MPDZ: variants seen among roughly 807,000 people sequenced by gnomAD.
MPDZ encodes the protein multiple PDZ domain crumbs cell polarity complex component.
In MPDZ, 234 loss-of-function variants were observed where a neutral mutation model predicts 239.1. The ratio of observed to expected loss-of-function variants is 0.98; its 90% confidence interval spans 0.88 to 1.09. The LOEUF (loss-of-function observed/expected upper bound fraction) is 1.09, where lower values mean the gene tolerates loss of function less well. MPDZ is among the 50% of genes least tolerant of loss of function. MPDZ has a pLI of 0.00. For synonymous variants in MPDZ, 1,048 were observed against 881.3 expected (o/e 1.19, Z -3.35); for missense variants, 3,175 against 2,510.0 (o/e 1.26, Z -5.66).
At position 13,142,905 on chromosome 9, in the gene MPDZ, A is replaced by C. The variant is rs373106547; in HGVS notation, c.3840+561T>G. ...AAATTTGTGTTTCGATTTTGGTTTT[A>C]TAATTTCATCAGAAAATGAGAAGAT... is the stretch of plus-strand genomic sequence containing the variant. On this transcript the variant is annotated intron_variant, in intron 27 of 46. Coordinates refer to ENST00000319217, the MANE Select transcript of MPDZ (RefSeq NM_001378778.1). 2.2e-4 allele frequency among the ~76,000 whole-genome samples: 34 copies of C among 152,228 alleles called. No individual in the cohort carries two copies. The East Asian group carries it at 6.4e-3, about 28-fold the overall frequency.
At position 13,193,217 on chromosome 9, in the gene MPDZ, C is replaced by G. The variant is rs1417603308; in HGVS notation, c.1753G>C (p.Gly585Arg). Residue 585 changes from glycine to arginine, a missense_variant, in exon 14 of 47, where the codon GGT becomes CGT. Coordinates refer to ENST00000319217, the MANE Select transcript of MPDZ (RefSeq NM_001378778.1). The stretch of plus-strand genomic sequence containing the variant: ...AGCTTCCCGCTGTGTCCAACAGGAC[C>G]CTCTGGTAGAACAGATCGGATAAAA... ...HHFIRSVLPE[G>R]PVGHSGKLFS... The G allele has an allele frequency of 1.9e-6, 3 of 1,608,746 alleles. No homozygotes were observed. The highest frequency in any genetic ancestry group is 2.2e-5 in the East Asian group (1 of 44,720).
At position 13,126,661 on chromosome 9, in the gene MPDZ, C is replaced by A; in HGVS notation, c.4557+19G>T. 3 of 1,612,790 alleles carry A rather than the reference C, an allele frequency of 1.9e-6. No individual in the cohort carries two copies. Among genetic ancestry groups the A allele is most frequent in the Non-Finnish European group, 2.5e-6 (3 of 1,178,928 alleles). ...TCCCTCCCCAACTACTTAATGACAG[C>A]AAGAAAGGTAAACCTCACCGTGGCT... On this transcript the variant is annotated intron_variant, in intron 33 of 46. Transcript: ENST00000319217.
rs190809477 is a variant in MPDZ at position 13,247,071 on chromosome 9, A to G, written c.183+564T>C. ...AAAAAAGCACTGTGTTACATTTAGA[A>G]GTTCTAATGTTTATCACCATCTGAG... is the stretch of plus-strand genomic sequence containing the variant. On this transcript the variant is annotated intron_variant, in intron 3 of 46. Transcript: ENST00000319217. 8.5e-5 allele frequency among the ~76,000 whole-genome samples: 13 copies of G among 152,344 alleles called. No homozygotes were observed. The East Asian group carries it at 2.3e-3, about 27-fold the overall frequency.
At chr9:13,279,275 A>ACCCCCACCCCCC (rs1564192401) in intron 1 of MPDZ, 125 bp downstream of exon 1, 1 of 27,404 alleles carries the variant, frequency 3.6e-5, no homozygotes, top group African/African-American at 1.2e-4. Flanking sequence ...CCCCACCCCC[A>ACCCCCACCCCCC]TCCCCGCCCC....
At chr9:13,119,740 T>G in intron 38 of MPDZ, 91 bp from the exon 39 acceptor site, 4 of 1,485,512 alleles carry the variant, frequency 2.7e-6, no homozygotes, top group Non-Finnish European at 3.7e-6. Flanking sequence ...CCCAAAATTT[T>G]TACTTGTTTT....
chr9:13,112,241 T>A, intron 42 of MPDZ, 95 bp from the exon 43 acceptor site: 1 of 1,261,278 alleles, frequency 7.9e-7, no homozygotes, highest in Non-Finnish European at 1.1e-6. Flanking sequence ...CAACTCTGAT[T>A]TTCTAAGTGT....
At chr9:13,176,051 C>G (rs987554092) in intron 20 of MPDZ, 85 bp downstream of exon 20, 5 of 1,449,680 alleles carry the variant, frequency 3.4e-6, no homozygotes, top group Admixed American at 2.6e-5. Context: ...AGCACTCATT[C>G]CAAATGAAGA....
At chr9:13,170,974 A>C (rs1428024430) in intron 21 of MPDZ, among the ~76,000 whole-genome samples, 1 of 152,138 alleles carries the variant, frequency 6.6e-6, no homozygotes, top group Non-Finnish European at 1.5e-5. Context: ...AATATCCCAA[A>C]TCCCAAATCC....
chr9:13,142,641 T>C (rs1947879839), intron 27 of MPDZ, among the ~76,000 whole-genome samples: 1 of 152,022 alleles, frequency 6.6e-6, no homozygotes, highest in Non-Finnish European at 1.5e-5. Flanking sequence ...TTAAAGGGTG[T>C]GGGAGCAAAA....
chr9:13,175,915 G>T, intron 20 of MPDZ, 40 bp from the exon 21 acceptor site: 1 of 1,560,820 alleles, frequency 6.4e-7, no homozygotes, highest in Non-Finnish European at 8.6e-7. Context: ...ACATGGAAAG[G>T]GAAACTAGAC....
In MPDZ at chr9:13,176,232, T is replaced by A. The variant is rs1339722912; in HGVS notation, c.2835A>T (p.Glu945Asp). The change falls in exon 20 of 47, where the codon GAA becomes GAT. Residue 945 changes from glutamate to aspartate, a missense_variant. By Grantham distance (45) the Glu-to-Asp change is conservative. Transcript: ENST00000319217. Reference sequence around the variant, plus strand: ...CAGTCCACACTATTGTGTTTTCACATTCATATTGTTGTTCAATAGCATTTG... The same window carrying A: ...CAGTCCACACTATTGTGTTTTCACAATCATATTGTTGTTCAATAGCATTTG... Reference protein sequence around the residue: ...TPANAIEQQYECENTIVWTES... With the variant: ...TPANAIEQQYDCENTIVWTES... The A allele has an allele frequency of 3.7e-6, 6 of 1,605,314 alleles. No individual in the cohort carries two copies. Among genetic ancestry groups the A allele is most frequent in the Non-Finnish European group, 4.3e-6 (5 of 1,175,288 alleles).
At chr9:13,220,726 A>T (rs1263162654) in intron 7 of MPDZ, among the ~76,000 whole-genome samples, 4 of 152,050 alleles carry the variant, frequency 2.6e-5, no homozygotes, top group Non-Finnish European at 5.9e-5. Context: ...AAGTTCAAAC[A>T]CACATGTATA....
At chr9:13,266,161 G>A (rs979653415) in intron 1 of MPDZ, among the ~76,000 whole-genome samples, 9 of 152,096 alleles carry the variant, frequency 5.9e-5, no homozygotes, top group South Asian at 2.1e-4. Flanking sequence ...AACCATCAGC[G>A]CCTCCTAAAT....
chr9:13,209,085 G>C (rs1957326440), intron 10 of MPDZ, among the ~76,000 whole-genome samples: 2 of 152,090 alleles, frequency 1.3e-5, no homozygotes. Context: ...GGAATAGCCT[G>C]TCTGGTCTGT....
At chr9:13,165,459 A>T in intron 22 of MPDZ, 2 of 1,545,596 alleles carry the variant, frequency 1.3e-6, no homozygotes. Context: ...GTGTTAACAA[A>T]TGTCAATGTC....
chr9:13,186,262 C>A lies in MPDZ; in HGVS notation c.2481+8G>T. 1 of 1,543,944 alleles carries A rather than the reference C, an allele frequency of 6.5e-7. No homozygotes were observed. The highest frequency in any genetic ancestry group is 8.8e-7 in the Non-Finnish European group (1 of 1,137,252). ...TGAAAGAAAGCTTGATAAGTCATAG[C>A]CACTAACCAGAGCCAAGTCAGCCCT... is the stretch of plus-strand genomic sequence containing the variant. On this transcript the variant is annotated splice_region_variant and intron_variant, in intron 18 of 46. Coordinates refer to ENST00000319217, the MANE Select transcript of MPDZ (RefSeq NM_001378778.1).
intron 24 of MPDZ, among the ~76,000 whole-genome samples, chr9:13,151,040 C>T (rs1949101488): frequency 6.6e-6 from 1 of 151,900 alleles, no homozygotes; most frequent in African/African-American, 2.4e-5. Flanking sequence ...CCAATAAGCA[C>T]ATGAAAAGAT....
intron 10 of MPDZ, among the ~76,000 whole-genome samples, chr9:13,211,540 G>T (rs759799945): frequency 2.0e-5 from 3 of 152,098 alleles, no homozygotes; most frequent in Non-Finnish European, 4.4e-5. Context: ...ACAAGATACA[G>T]TGCTGAGCAA....
At chr9:13,200,581 T>G (rs1956266375) in intron 12 of MPDZ, among the ~76,000 whole-genome samples, 2 of 152,054 alleles carry the variant, frequency 1.3e-5, no homozygotes, top group Non-Finnish European at 2.9e-5. Context: ...CAGAACTGCT[T>G]TTGCTGTAGG....
Sources: gnomAD v4.1 joint callset for allele counts (sites outside exome capture counted in the v4.1 genomes callset) on GRCh38, gnomAD v4.1.1 for gene constraint, MANE v1.5 for transcripts, NCBI Gene and HGNC (gene_info 2026-07-23, HGNC 2026-07-21) for gene names.